Variants in TUSC3 observed in about 807,000 individuals in gnomAD.
TUSC3 encodes dolichyl-diphosphooligosaccharide--protein glycosyltransferase subunit TUSC3.
In TUSC3, 45 loss-of-function variants were observed where a neutral mutation model predicts 44.8. That is an observed-to-expected ratio of 1.00 (90% CI 0.79 to 1.29). TUSC3 has a LOEUF of 1.29. Ranked by LOEUF, TUSC3 falls within the 50% of genes most tolerant of loss-of-function variation. The probability of loss-of-function intolerance (pLI) is 0.00; values close to 1 mark genes in which losing one functional copy is unlikely to be tolerated. For missense variants in TUSC3, 519 were observed against 437.9 expected, an observed-to-expected ratio of 1.19 and a Z score of -1.65; for synonymous variants, 212 against 152.9, an observed-to-expected ratio of 1.39 and a Z score of -2.85.
intron 2 of TUSC3, among the ~76,000 whole-genome samples, chr8:15,507,615 A>C (rs1801074563): frequency 6.6e-6 from 1 of 152,178 alleles, no homozygotes; most frequent in Non-Finnish European, 1.5e-5. Context: ...ATAAAGATGT[A>C]AATCAGGATG....
At chr8:15,838,671 G>A in the TUSC3 span, among the ~76,000 whole-genome samples, 1 of 152,106 alleles carries the variant, frequency 6.6e-6, no homozygotes, top group African/African-American at 2.4e-5. Context: ...GGTTGTAGAT[G>A]TGTGGTATTA....
intron 2 of TUSC3, among the ~76,000 whole-genome samples, chr8:15,504,805 A>G (rs1415233690): frequency 6.6e-6 from 1 of 150,476 alleles, no homozygotes; most frequent in Non-Finnish European, 1.5e-5. Context: ...GGTGCCTGCC[A>G]CCATGCCCAG....
chr8:15,840,217 G>A, the TUSC3 span, among the ~76,000 whole-genome samples: 9 of 152,006 alleles, frequency 5.9e-5, no homozygotes, highest in Non-Finnish European at 1.2e-4. Context: ...TCACACACTG[G>A]GACTTGTTGT....
intron 1 of TUSC3, among the ~76,000 whole-genome samples, chr8:15,598,364 T>C (rs555556078): frequency 6.6e-6 from 1 of 151,972 alleles, no homozygotes; most frequent in African/African-American, 2.4e-5. Flanking sequence ...CAGAGTTTTT[T>C]AATATATCTC....
At chr8:15,846,966 C>G in the TUSC3 span, among the ~76,000 whole-genome samples, 1 of 151,972 alleles carries the variant, frequency 6.6e-6, no homozygotes, top group Admixed American at 6.6e-5. Flanking sequence ...ACTCCACAGG[C>G]ATGCCTAACT....
chr8:15,517,998 A>G (rs1319458634), intron 2 of TUSC3, among the ~76,000 whole-genome samples: 2 of 148,066 alleles, frequency 1.4e-5, no homozygotes, highest in African/African-American at 2.4e-5. Flanking sequence ...AAAAACCCCC[A>G]TACACATTCG....
At position 15,662,217 on chromosome 8, in the gene TUSC3, T is replaced by C; in HGVS notation, c.629T>C (p.Leu210Pro). ...ATTGCTTTGGCCCTGTTAGTGTCGC[T>C]TGTTGGAGGTTTGCTTTATTTGAGA... ...GTIALALLVS[L>P]VGGLLYLRRN... The change falls in exon 5 of 11, where the codon CTT (leucine) becomes CCT (proline). Residue 210 changes from leucine (L) to proline (P), a missense_variant. Leu to Pro is a moderately conservative substitution (Grantham distance 98). Transcript: ENST00000503731. 2 of 1,613,174 alleles carry C rather than the reference T, an allele frequency of 1.2e-6. No homozygotes were observed. The highest frequency in any genetic ancestry group is 1.3e-5 in the African/African-American group (1 of 74,974).
the TUSC3 span, among the ~76,000 whole-genome samples, chr8:15,830,868 A>C: frequency 2.6e-5 from 4 of 152,216 alleles, no homozygotes; most frequent in African/African-American, 9.6e-5. Context: ...CAATATAGCC[A>C]TATAACAAAC....
chr8:15,468,031 A>G (rs757827409), intron 1 of TUSC3, among the ~76,000 whole-genome samples: 2 of 152,230 alleles, frequency 1.3e-5, no homozygotes, highest in African/African-American at 2.4e-5. Flanking sequence ...ATAAATAGGT[A>G]AAATACTGAT....
At chr8:15,593,364 G>C (rs1304220578) in intron 1 of TUSC3, among the ~76,000 whole-genome samples, 7 of 152,124 alleles carry the variant, frequency 4.6e-5, no homozygotes, top group Non-Finnish European at 8.8e-5. Context: ...GGGATTACAG[G>C]CCTGAGCCAC....
intron 6 of TUSC3, among the ~76,000 whole-genome samples, chr8:15,725,300 T>C (rs898849218): frequency 2.0e-5 from 3 of 152,210 alleles, no homozygotes; most frequent in Non-Finnish European, 4.4e-5. Flanking sequence ...TTTTGCACTC[T>C]GCTTATATTA....
intron 6 of TUSC3, among the ~76,000 whole-genome samples, chr8:15,727,188 C>T (rs1055857286): frequency 6.6e-6 from 1 of 152,090 alleles, no homozygotes; most frequent in Admixed American, 6.5e-5. Context: ...AGCTTAAAAT[C>T]GCAGACCTAA....
the TUSC3 span, among the ~76,000 whole-genome samples, chr8:15,851,703 A>G: frequency 6.6e-6 from 1 of 152,168 alleles, no homozygotes; most frequent in East Asian, 1.9e-4. Context: ...TTTCTCTGAC[A>G]TGTTGTATTG....
At chr8:15,431,977 A>G (rs962894354) in intron 1 of TUSC3, among the ~76,000 whole-genome samples, 5 of 151,478 alleles carry the variant, frequency 3.3e-5, no homozygotes, top group African/African-American at 1.2e-4. Flanking sequence ...ATCTCACTTA[A>G]TTGTGGCGTG....
chr8:15,779,045 C>T, the TUSC3 span, among the ~76,000 whole-genome samples: 9 of 151,444 alleles, frequency 5.9e-5, no homozygotes, highest in East Asian at 1.9e-4. Context: ...ATTTCAGTTA[C>T]GTTCACATAC....
At chr8:15,792,144 A>ACC in the TUSC3 span, among the ~76,000 whole-genome samples, 1,255 of 140,448 alleles carry the variant, frequency 8.9e-3, 19 homozygotes, top group African/African-American at 0.031. Flanking sequence ...ACACACACAC[A>ACC]CCCTCTACCC....
intron 2 of TUSC3, among the ~76,000 whole-genome samples, chr8:15,493,540 G>C (rs557980861): frequency 6.6e-6 from 1 of 152,248 alleles, no homozygotes; most frequent in East Asian, 1.9e-4. Context: ...TGGGATTACA[G>C]GTGTGAGCTA....
upstream of TUSC3, chr8:15,417,209 C>G (rs1799671712): frequency 2.6e-5 from 4 of 152,446 alleles, no homozygotes; most frequent in Admixed American, 1.3e-4. Flanking sequence ...CCTGCTCTGG[C>G]TGTGTGAAGA....
chr8:15,683,598 C>A (rs1452353125), intron 6 of TUSC3, among the ~76,000 whole-genome samples: 1 of 152,084 alleles, frequency 6.6e-6, no homozygotes, highest in Non-Finnish European at 1.5e-5. Context: ...TCTCATTGAG[C>A]TTCTTTGCCG....
Sources: allele counts gnomAD v4.1 joint callset (sites outside exome capture counted in the v4.1 genomes callset), GRCh38; gene constraint gnomAD v4.1.1; transcripts MANE v1.5; gene names NCBI Gene and HGNC (gene_info 2026-07-23, HGNC 2026-07-21).